The following IFT172 variants were observed in gnomAD, a reference collection of about 807,000 sequenced individuals.
IFT172 encodes the protein intraflagellar transport protein 172 homolog.
IFT172 carries 164 observed loss-of-function variants against 248.9 expected under a neutral mutation model. The ratio of observed to expected loss-of-function variants is 0.66; its 90% CI spans 0.58 to 0.75. IFT172 has a LOEUF of 0.75. Ranked by LOEUF, IFT172 falls within the 30% of genes least tolerant of loss-of-function variation. The pLI, the probability that IFT172 is intolerant of heterozygous loss-of-function variation, is 0.00. For missense variants in IFT172, 1,950 were observed against 2,192.4 expected (o/e 0.89, Z 2.21); for synonymous variants, 729 against 791.6 (o/e 0.92, Z 1.33).
Position 27,461,281 on chromosome 2 carries a change from T to C in IFT172, c.2430A>G (p.Glu810=), listed in dbSNP as rs373768002. ...EHITAALIKG[E]LYERAGDLFE... is the part of the protein sequence containing the mutation. The stretch of plus-strand genomic sequence containing the variant: ...GAAGCCAGCATACCCTTTCGTAGAG[T>C]TCCCCCTTGATAAGGGCTGCAGTGA... The change falls in exon 22 of 48, where the codon GAA becomes GAG. Residue 810 remains glutamate (E), a synonymous_variant. Coordinates refer to ENST00000260570, the MANE Select transcript of IFT172 (RefSeq NM_015662.3). 1.9e-6 allele frequency: 3 copies of C among 1,614,008 alleles called. No individual in the cohort carries two copies. The highest frequency in any genetic ancestry group is 8.5e-7 in the Non-Finnish European group (1 of 1,179,974).
Position 27,481,149 on chromosome 2 carries a change from T to G in IFT172, c.682A>C (p.Met228Leu), listed in dbSNP as rs373455739. 1 of 1,613,744 alleles carries G rather than the reference T, an allele frequency of 6.2e-7. No homozygotes were observed. The highest frequency in any genetic ancestry group is 1.3e-5 in the African/African-American group (1 of 74,906). ...CGGCTATAATCAAAAGTTTGTAGCA[T>G]GTGACCTTCTTTTCCATAGGCTACA... Reference protein sequence around the residue: ...KIVAYGKEGHMLQTFDYSRDP... With the variant: ...KIVAYGKEGHLLQTFDYSRDP... Residue 228 changes from methionine (M) to leucine (L), a missense_variant, in exon 8 of 48, where the codon ATG (methionine) becomes CTG (leucine). Met to Leu is a conservative substitution (Grantham distance 15). Around this residue, in one of 3 missense-constraint regions of IFT172, gnomAD observed 1,166 missense variants for 1,254.1 expected, o/e 0.93. Transcript: ENST00000260570.
intron 14 of IFT172, chr2:27,475,500 G>A (rs1487133172): frequency 6.6e-6 from 1 of 152,312 alleles, no homozygotes; most frequent in East Asian, 1.9e-4. Context: ...TTGGTTTAAA[G>A]TGGAAAGCTT....
At chr2:27,448,785 T>C in intron 40 of IFT172, 130 bp downstream of exon 40, 1 of 687,946 alleles carries the variant, frequency 1.5e-6, no homozygotes, top group Non-Finnish European at 2.7e-6. Flanking sequence ...TGGAGATGCG[T>C]GGGGGGCTCT....
rs773088930 is a variant in IFT172 at position 27,445,900 on chromosome 2, C to T, written c.4815+29G>A. The T allele has an allele frequency of 1.9e-6, 3 of 1,614,236 alleles. No homozygotes were observed. In the East Asian group the frequency reaches 6.7e-5, roughly 36 times the overall value. ...ACAGCTCGCGACTGGCAAAAACCTC[C>T]ACCCTCGGGGCACAGCTTCCCTACT... is the stretch of plus-strand genomic sequence containing the variant. On this transcript the variant is annotated intron_variant, in intron 44 of 47. Transcript: ENST00000260570. This position sits in a 1 kb window ranked among gnomAD's most constrained non-coding sequence, Gnocchi z 4.4.
In IFT172 at chr2:27,453,532, T is replaced by A. The variant is rs1204452162; in HGVS notation, c.3822-19A>T. 1.9e-6 allele frequency: 3 copies of A among 1,612,874 alleles called. No individual in the cohort carries two copies. Among genetic ancestry groups the A allele is most frequent in the Admixed American group, 1.7e-5 (1 of 59,974 alleles). On this transcript the variant is annotated intron_variant, in intron 34 of 47. Transcript: ENST00000260570. Reference sequence around the variant, plus strand: ...CACACCCCTGTGGAGATGAGAGCGCTGGGACTTGGCATGGTAGGGGGGCAG... The same window carrying A: ...CACACCCCTGTGGAGATGAGAGCGCAGGGACTTGGCATGGTAGGGGGGCAG...
intron 16 of IFT172, among the ~76,000 whole-genome samples, chr2:27,468,721 C>A (rs12464368): frequency 0.32 from 47,633 of 151,090 alleles, 8,294 homozygotes; most frequent in South Asian, 0.42. Flanking sequence ...TGGTGGCAGG[C>A]GCCTGTAGTC....
intron 18 of IFT172, among the ~76,000 whole-genome samples, chr2:27,464,696 G>A (rs11679494): frequency 4.2e-4 from 63 of 151,610 alleles, no homozygotes; most frequent in Non-Finnish European, 5.0e-4. Context: ...TCAGCTCACC[G>A]CAACTTTGCC....
In IFT172 at chr2:27,456,504, G is replaced by T. The variant is rs1666176772; in HGVS notation, c.3371+7C>A. ...GGGGCCCGTGGAGAGAAAGCTTGGGGCCTCACCAATTGTCTGCAGCGTGGT... is the reference window on the plus strand; with the variant it reads ...GGGGCCCGTGGAGAGAAAGCTTGGGTCCTCACCAATTGTCTGCAGCGTGGT... On this transcript the variant is annotated splice_region_variant and intron_variant, in intron 30 of 47. Coordinates refer to ENST00000260570, the MANE Select transcript of IFT172 (RefSeq NM_015662.3). 2.5e-6 allele frequency: 4 copies of T among 1,611,582 alleles called. No homozygotes were observed. Among genetic ancestry groups the T allele is most frequent in the Non-Finnish European group, 2.5e-6 (3 of 1,179,102 alleles).
intron 1 of IFT172, among the ~76,000 whole-genome samples, chr2:27,486,681 G>A (rs1157252422): frequency 6.6e-6 from 1 of 152,192 alleles, no homozygotes; most frequent in Admixed American, 6.5e-5. Flanking sequence ...TAGGTTAGAA[G>A]GCCTGAGGGC....
chr2:27,483,454 C>G (rs993713941), intron 6 of IFT172, 78 bp from the exon 7 acceptor site: 1 of 1,404,146 alleles, frequency 7.1e-7, no homozygotes, highest in African/African-American at 1.4e-5. Context: ...CTGTCAAACA[C>G]AACCTTGTCT....
chr2:27,446,134 G>A, intron 43 of IFT172, 126 bp downstream of exon 43: 3 of 1,314,080 alleles, frequency 2.3e-6, no homozygotes, highest in Non-Finnish European at 2.2e-6. Flanking sequence ...GGAAGACATA[G>A]GAGGACTACA....
chr2:27,461,409 C>T lies in IFT172; in HGVS notation c.2302G>A (p.Ala768Thr), dbSNP rs1304667688. 6.2e-7 allele frequency: 1 copy of T among 1,614,068 alleles called. No individual in the cohort carries two copies. Among genetic ancestry groups the T allele is most frequent in the African/African-American group, 1.3e-5 (1 of 74,932 alleles). The change falls in exon 22 of 48, where the codon GCA becomes ACA. Residue 768 changes from alanine (A) to threonine (T), a missense_variant. Ala to Thr is a moderately conservative substitution (Grantham distance 58, BLOSUM62 0). Transcript: ENST00000260570. Reference sequence around the variant, plus strand: ...GCTTTGAGGTAGAGGCTGATGGCTGCTAGCCCATCCCCTTGGCTCTCCTGT... The same window carrying T: ...GCTTTGAGGTAGAGGCTGATGGCTGTTAGCCCATCCCCTTGGCTCTCCTGT... ...ELQESQGDGL[A>T]AISLYLKAGL... is the part of the protein sequence containing the mutation.
At chr2:27,449,253 G>C (rs927159895) in intron 39 of IFT172, 41 bp downstream of exon 39, 11 of 1,611,238 alleles carry the variant, frequency 6.8e-6, no homozygotes, top group Non-Finnish European at 7.6e-6. Context: ...GGAATCAAGG[G>C]AAAATGTAAA....
At chr2:27,479,195 C>T (rs1000936323) in intron 10 of IFT172, among the ~76,000 whole-genome samples, 10 of 152,058 alleles carry the variant, frequency 6.6e-5, no homozygotes, top group African/African-American at 2.2e-4. Context: ...TTAGTAGAGA[C>T]GGGGTTTCAC....
chr2:27,457,470 T>C (rs866335035), intron 29 of IFT172, among the ~76,000 whole-genome samples, 169 bp downstream of exon 29: 1 of 151,592 alleles, frequency 6.6e-6, no homozygotes, highest in Non-Finnish European at 1.5e-5. Flanking sequence ...ACTCAGGAGG[T>C]TGAGGTGGGA....
chr2:27,488,758 G>A (rs551965548), intron 1 of IFT172, among the ~76,000 whole-genome samples: 185 of 152,280 alleles, frequency 1.2e-3, no homozygotes, highest in African/African-American at 4.4e-3. Context: ...TGAGTGCTCC[G>A]AGACATTGTA....
intron 16 of IFT172, 110 bp downstream of exon 16, chr2:27,470,818 C>T (rs563924562): frequency 2.8e-6 from 3 of 1,067,764 alleles, no homozygotes; most frequent in Admixed American, 3.2e-5. Flanking sequence ...AATTCTATCA[C>T]AGAGATTAAG....
chr2:27,454,065 C>T lies in IFT172; in HGVS notation c.3628G>A (p.Ala1210Thr), dbSNP rs750339927. The T allele has an allele frequency of 1.9e-6, 3 of 1,613,904 alleles. No homozygotes were observed. The highest frequency in any genetic ancestry group is 1.3e-5 in the African/African-American group (1 of 74,916). ...TTCTGAAAGTCCTTCTCCTCCAAGG[C>T]CCCCCGGGCCTGTCCCACAAGCACC... ...AEVLVGQARG[A>T]LEEKDFQKAE... Residue 1210 changes from alanine to threonine, a missense_variant, in exon 33 of 48, where the codon GCC becomes ACC. Physicochemically the swap from Ala to Thr is moderately conservative, Grantham distance 58. Coordinates refer to ENST00000260570, the MANE Select transcript of IFT172 (RefSeq NM_015662.3). The surrounding 1 kb of genome is among the most constrained non-coding windows in gnomAD (Gnocchi z 4.2).
intron 14 of IFT172, among the ~76,000 whole-genome samples, chr2:27,474,344 G>C (rs1667810922): frequency 6.6e-6 from 1 of 152,176 alleles, no homozygotes; most frequent in African/African-American, 2.4e-5. Context: ...ATTTGTGACA[G>C]AGATTGCGTT....
Sources: gnomAD v4.1 joint callset for allele counts (sites outside exome capture counted in the v4.1 genomes callset) on GRCh38, gnomAD v4.1.1 for gene constraint, gnomAD v4.1.1 regional missense constraint, Gnocchi (gnomAD v3.1) non-coding constraint, MANE v1.5 for transcripts, NCBI Gene and HGNC (gene_info 2026-07-23, HGNC 2026-07-21) for gene names.